Variants in COLEC12 observed in about 807,000 individuals in gnomAD.
The protein encoded by COLEC12 is collectin-12.
Under a neutral mutation model 71.1 loss-of-function variants are expected in COLEC12, and 33 were observed. The observed-to-expected ratio is 0.46, with a 90% CI of 0.35 to 0.62. The LOEUF (loss-of-function observed/expected upper bound fraction) is 0.62. COLEC12 is among the 20% of genes least tolerant of loss of function. The pLI, the probability that COLEC12 is intolerant of heterozygous loss-of-function variation, is 0.00. For synonymous variants in COLEC12, 350 were observed against 353.0 expected (o/e 0.99, Z 0.10); for missense variants, 765 against 916.1 (o/e 0.84, Z 2.13).
chr18:460,200 T>A (rs566401094), intron 2 of COLEC12, among the ~76,000 whole-genome samples: 47 of 152,220 alleles, frequency 3.1e-4, no homozygotes, highest in Middle Eastern at 3.4e-3. Context: ...AAGAATAAAA[T>A]ATGGGCCAGC....
rs1917792307 is a variant in COLEC12 at position 500,179 on chromosome 18, C to T, written c.7+329G>A. On this transcript the variant is annotated intron_variant, in intron 1 of 9. Transcript: ENST00000400256. The surrounding 1 kb of genome is among the most constrained non-coding windows in gnomAD (Gnocchi z 5.3). ...CGACCGGGAGGGATGGCGATGCCTC[C>T]ACTCTCCTCGGCAGGTTTTTTCAAT... Among the ~76,000 whole-genome samples, 1 of 152,176 alleles carries T rather than the reference C, an allele frequency of 6.6e-6. No homozygotes were observed. The highest frequency in any genetic ancestry group is 1.5e-5 in the Non-Finnish European group (1 of 68,032).
intron 2 of COLEC12, among the ~76,000 whole-genome samples, chr18:411,133 T>C (rs775427349): frequency 2.6e-5 from 4 of 152,192 alleles, no homozygotes; most frequent in Non-Finnish European, 5.9e-5. Context: ...ATAATGATGA[T>C]ACCACTCAGG....
Position 346,786 on chromosome 18 carries a change from T to G in COLEC12, c.836A>C (p.Asn279Thr). The G allele has an allele frequency of 6.2e-7, 1 of 1,614,240 alleles. No homozygotes were observed. Among genetic ancestry groups the G allele is most frequent in the African/African-American group, 1.3e-5 (1 of 75,074 alleles). The change falls in exon 5 of 10, where the codon AAC (asparagine) becomes ACC (threonine). Residue 279 changes from asparagine to threonine, a missense_variant. Asn to Thr is a moderately conservative substitution (Grantham distance 65, BLOSUM62 0). Coordinates refer to ENST00000400256, the MANE Select transcript of COLEC12 (RefSeq NM_130386.3). This position sits in a 1 kb window ranked among gnomAD's most constrained non-coding sequence, Gnocchi z 4.0. ...GTTCATATCCTCCAGGGTGTCGTTG[T>G]TGGCTTTGGCCAACGCAGAGTTGTT... is the stretch of plus-strand genomic sequence containing the variant. The part of the protein sequence containing the change: ...AANNSALAKA[N>T]NDTLEDMNSQ...
rs553599647 is a variant in COLEC12, at chr18:385,399, A to G, written c.59-27877T>C. ...GCGTTCAGTGGTGCGATCTCGGCTC[A>G]CTGCAACCTCCACCTCCCGGGCTCA... On this transcript the variant is annotated intron_variant, in intron 2 of 9. Coordinates refer to ENST00000400256, the MANE Select transcript of COLEC12 (RefSeq NM_130386.3). Among the ~76,000 whole-genome samples the G allele has an allele frequency of 4.2e-5, 6 of 142,848 alleles. No individual in the cohort carries two copies. In the South Asian group the frequency reaches 1.1e-3, roughly 26 times the overall value. 93.7% of individuals were successfully genotyped at this position (142,848 alleles called of 152,430 possible). A position where few individuals can be genotyped will look rare whatever the true frequency, so the allele number is the denominator to read the frequency against.
chr18:360,632 C>T (rs193242597), intron 2 of COLEC12, among the ~76,000 whole-genome samples: 33 of 152,208 alleles, frequency 2.2e-4, no homozygotes, highest in Non-Finnish European at 2.9e-4. Context: ...ATGCAGGTTC[C>T]GATTCAGTGG....
At chr18:351,426 T>A (rs564145388) in intron 3 of COLEC12, among the ~76,000 whole-genome samples, 33 of 152,308 alleles carry the variant, frequency 2.2e-4, no homozygotes, top group Admixed American at 4.6e-4. Flanking sequence ...ATTATGGGAC[T>A]CACTGCACTG....
At chr18:442,701 C>T (rs1244415411) in intron 2 of COLEC12, among the ~76,000 whole-genome samples, 1 of 152,226 alleles carries the variant, frequency 6.6e-6, no homozygotes, top group Non-Finnish European at 1.5e-5. Context: ...GTGGCTCACG[C>T]CTGTAATCCC....
chr18:496,894 T>C (rs1917722604), intron 1 of COLEC12, among the ~76,000 whole-genome samples: 1 of 152,200 alleles, frequency 6.6e-6, no homozygotes, highest in African/African-American at 2.4e-5. Flanking sequence ...GAATGTGATT[T>C]AGTTAACGAC....
chr18:411,400 G>C (rs1019338393), intron 2 of COLEC12, among the ~76,000 whole-genome samples: 1 of 152,122 alleles, frequency 6.6e-6, no homozygotes, highest in Admixed American at 6.5e-5. Context: ...TGAGATGATA[G>C]AGATTTTAGG....
Position 324,972 on chromosome 18 carries a change from C to T in COLEC12, c.2064-3165G>A, listed in dbSNP as rs572444378. Among the ~76,000 whole-genome samples, 830 of 152,188 alleles carry T rather than the reference C, an allele frequency of 5.5e-3. 6 individuals are homozygous for T. Among genetic ancestry groups the T allele is most frequent in the Non-Finnish European group, 9.3e-3 (632 of 67,982 alleles). On this transcript the variant is annotated intron_variant, in intron 8 of 9. Transcript: ENST00000400256. ...AGGAGGCTAAGGCAGGAGGATCACT[C>T]GAGGCCAGGAGTTCAAGACCTGCCT...
intron 8 of COLEC12, among the ~76,000 whole-genome samples, chr18:322,016 G>A (rs778508361): frequency 6.6e-6 from 1 of 152,222 alleles, no homozygotes; most frequent in African/African-American, 2.4e-5. Flanking sequence ...CTCCCTGCGC[G>A]CTTGTGATCT....
chr18:460,601 A>T (rs1004237756), intron 2 of COLEC12, among the ~76,000 whole-genome samples: 2 of 152,208 alleles, frequency 1.3e-5, no homozygotes, highest in African/African-American at 4.8e-5. Context: ...TAAGTATGTT[A>T]TGCCTTCAAT....
chr18:381,896 A>T (rs2143563128), intron 2 of COLEC12, among the ~76,000 whole-genome samples: 1 of 147,434 alleles, frequency 6.8e-6, no homozygotes, highest in South Asian at 2.1e-4. Context: ...TTTTTTTTTA[A>T]AAAGCTCACC....
At chr18:420,994 T>G (rs1401298435) in intron 2 of COLEC12, among the ~76,000 whole-genome samples, 1 of 152,158 alleles carries the variant, frequency 6.6e-6, no homozygotes, top group Non-Finnish European at 1.5e-5. Flanking sequence ...CTATCGGAAA[T>G]TATTCAAACT....
intron 2 of COLEC12, among the ~76,000 whole-genome samples, chr18:409,799 T>C (rs1915859008): frequency 6.6e-6 from 1 of 152,192 alleles, no homozygotes; most frequent in African/African-American, 2.4e-5. Flanking sequence ...ATACCATGCA[T>C]ATATGAGCAT....
At chr18:379,438 T>C (rs1233961689) in intron 2 of COLEC12, among the ~76,000 whole-genome samples, 1 of 151,956 alleles carries the variant, frequency 6.6e-6, no homozygotes, top group Non-Finnish European at 1.5e-5. Context: ...GGAGAAAAAG[T>C]TCTAACAAGC....
chr18:468,072 G>C (rs1217487197), intron 2 of COLEC12, among the ~76,000 whole-genome samples: 3 of 152,012 alleles, frequency 2.0e-5, no homozygotes, highest in Admixed American at 6.6e-5. Context: ...GACCAGCCTG[G>C]CCAATATGGT....
At chr18:417,625 C>T (rs761608826) in intron 2 of COLEC12, among the ~76,000 whole-genome samples, 4 of 152,140 alleles carry the variant, frequency 2.6e-5, no homozygotes, top group African/African-American at 4.8e-5. Context: ...AGGAAGAGAT[C>T]ATCATGGGAA....
At chr18:455,673 G>A (rs186348939) in intron 2 of COLEC12, among the ~76,000 whole-genome samples, 144 of 151,526 alleles carry the variant, frequency 9.5e-4, no homozygotes, top group African/African-American at 3.3e-3. Context: ...ACAGGCCTGG[G>A]TGTGTGACAT....
Sources: allele counts gnomAD v4.1 joint callset (sites outside exome capture counted in the v4.1 genomes callset), GRCh38; gene constraint gnomAD v4.1.1; non-coding constraint Gnocchi (gnomAD v3.1); transcripts MANE v1.5; gene names NCBI Gene and HGNC (gene_info 2026-07-23, HGNC 2026-07-21).